BMP5: variants seen among roughly 807,000 people sequenced by gnomAD.
The protein encoded by BMP5 is bone morphogenetic protein 5.
BMP5 carries 23 observed loss-of-function variants against 46.6 expected under a neutral mutation model. The observed-to-expected ratio is 0.49, with a 90% CI of 0.35 to 0.70. BMP5 has a LOEUF of 0.70. BMP5 is among the 30% of genes least tolerant of loss of function. BMP5 has a pLI of 0.00. For synonymous variants in BMP5, 204 were observed against 191.9 expected, an observed-to-expected ratio of 1.06 and a Z score of -0.52; for missense variants, 545 against 565.6, an observed-to-expected ratio of 0.96 and a Z score of 0.37.
At chr6:55,831,432 C>T (rs1051414160) in intron 1 of BMP5, among the ~76,000 whole-genome samples, 2 of 151,938 alleles carry the variant, frequency 1.3e-5, no homozygotes, top group Admixed American at 6.6e-5. Flanking sequence ...AAAAAAACTA[C>T]TATATTATCC....
At chr6:55,768,401 T>G (rs989156198) in intron 4 of BMP5, among the ~76,000 whole-genome samples, 2 of 151,910 alleles carry the variant, frequency 1.3e-5, no homozygotes, top group African/African-American at 2.4e-5. Flanking sequence ...TCACTTTCAG[T>G]AGAGTGTCCA....
chr6:55,782,409 T>C (rs1000445537), intron 3 of BMP5, among the ~76,000 whole-genome samples: 2 of 152,202 alleles, frequency 1.3e-5, no homozygotes, highest in Admixed American at 6.5e-5. Flanking sequence ...TATCTGGCTA[T>C]GGCCAGAAGG....
rs550387381 is a variant in BMP5, at chr6:55,758,804, A to T, written c.1215+201T>A. On this transcript the variant is annotated intron_variant, in intron 6 of 6. Transcript: ENST00000370830. Reference sequence around the variant, plus strand: ...AGTTTTCCTAGCTGAATCCTTCTCCATTGTGTAACTGGGATTACTCTAAAC... The same window carrying T: ...AGTTTTCCTAGCTGAATCCTTCTCCTTTGTGTAACTGGGATTACTCTAAAC... Among the ~76,000 whole-genome samples the T allele has an allele frequency of 1.3e-3, 195 of 151,954 alleles. 1 individual carries two copies. The highest frequency in any genetic ancestry group is 4.6e-3 in the African/African-American group (190 of 41,518).
At chr6:55,842,913 T>A (rs1481887006) in intron 1 of BMP5, among the ~76,000 whole-genome samples, 1 of 152,106 alleles carries the variant, frequency 6.6e-6, no homozygotes, top group East Asian at 1.9e-4. Flanking sequence ...ATTACATATA[T>A]CAACTGTAAA....
intron 1 of BMP5, among the ~76,000 whole-genome samples, chr6:55,860,512 A>G (rs1366146455): frequency 6.6e-6 from 1 of 152,230 alleles, no homozygotes; most frequent in African/African-American, 2.4e-5. Context: ...ATTAGAAATC[A>G]GATATTAAGA....
At chr6:55,850,388 A>AGAT (rs991585633) in intron 1 of BMP5, among the ~76,000 whole-genome samples, 5 of 149,310 alleles carry the variant, frequency 3.3e-5, no homozygotes, top group African/African-American at 7.6e-5. Flanking sequence ...ATAGATAGAT[A>AGAT]GATAGATCGA....
At chr6:55,841,972 T>G (rs1402355558) in intron 1 of BMP5, among the ~76,000 whole-genome samples, 1 of 151,960 alleles carries the variant, frequency 6.6e-6, no homozygotes, top group Non-Finnish European at 1.5e-5. Flanking sequence ...TATTTATGCA[T>G]TTCCAAATCC....
intron 6 of BMP5, 45 bp downstream of exon 6, chr6:55,758,960 G>T: frequency 1.6e-6 from 2 of 1,247,320 alleles, no homozygotes; most frequent in Non-Finnish European, 2.4e-6. Context: ...TTTATAATAT[G>T]CTTGCATTCT....
chr6:55,763,822 T>C (rs1774842272), intron 4 of BMP5, among the ~76,000 whole-genome samples: 1 of 152,218 alleles, frequency 6.6e-6, no homozygotes, highest in Non-Finnish European at 1.5e-5. Context: ...AGTAAACATA[T>C]TGCTAAATAC....
intron 1 of BMP5, among the ~76,000 whole-genome samples, chr6:55,851,102 GGTTTTTT>G (rs1483928821): frequency 1.3e-5 from 2 of 148,954 alleles, no homozygotes. Context: ...TAGTGTTGTG[GGTTTTTT>G]GTTTTTGTTT....
intron 2 of BMP5, among the ~76,000 whole-genome samples, chr6:55,808,594 G>T (rs1017618893): frequency 6.6e-5 from 10 of 152,202 alleles, no homozygotes; most frequent in South Asian, 4.1e-4. Flanking sequence ...CCTAGGCACT[G>T]GTGGCGTGGG....
At chr6:55,796,645 T>C (rs1007513011) in intron 2 of BMP5, among the ~76,000 whole-genome samples, 2 of 130,600 alleles carry the variant, frequency 1.5e-5, no homozygotes, top group Non-Finnish European at 3.3e-5. Flanking sequence ...TGCTATCCCT[T>C]CCCCCTCCCC....
intron 1 of BMP5, among the ~76,000 whole-genome samples, chr6:55,848,265 A>T (rs1462956574): frequency 1.3e-5 from 2 of 152,004 alleles, no homozygotes; most frequent in Admixed American, 6.6e-5. Flanking sequence ...TGGTTGACCA[A>T]CAGCTGTCAC....
intron 2 of BMP5, among the ~76,000 whole-genome samples, chr6:55,802,271 C>T (rs1035310468): frequency 1.6e-4 from 24 of 152,114 alleles, no homozygotes; most frequent in African/African-American, 5.1e-4. Context: ...AACAGCTACC[C>T]GGCCACTTCG....
intron 4 of BMP5, among the ~76,000 whole-genome samples, chr6:55,766,836 T>C (rs571512897): frequency 6.6e-6 from 1 of 152,056 alleles, no homozygotes; most frequent in East Asian, 1.9e-4. Context: ...GCTCTACAAC[T>C]GTAGAGCCAT....
At chr6:55,866,652 T>C (rs2127555297) in intron 1 of BMP5, among the ~76,000 whole-genome samples, 1 of 152,304 alleles carries the variant, frequency 6.6e-6, no homozygotes, top group South Asian at 2.1e-4. Flanking sequence ...TCATTGGCAA[T>C]TGCAGTCCGC....
At chr6:55,831,692 G>T (rs1345509768) in intron 1 of BMP5, among the ~76,000 whole-genome samples, 4 of 151,800 alleles carry the variant, frequency 2.6e-5, no homozygotes, top group Admixed American at 6.6e-5. Flanking sequence ...TCTGGAAAGA[G>T]AGATGAAGAA....
chr6:55,772,997 G>C (rs1775082763), intron 4 of BMP5: 1 of 832,410 alleles, frequency 1.2e-6, no homozygotes, highest in Non-Finnish European at 1.4e-6. Context: ...AATAGCTGCT[G>C]TATGACCTGT....
chr6:55,829,509 T>A (rs7764021), intron 1 of BMP5, among the ~76,000 whole-genome samples: 8,550 of 145,670 alleles, frequency 0.059, 769 homozygotes, highest in African/African-American at 0.22. Flanking sequence ...ATATATATAT[T>A]TTTTACTTCC....
Sources: allele counts gnomAD v4.1 joint callset (sites outside exome capture counted in the v4.1 genomes callset), GRCh38; gene constraint gnomAD v4.1.1; transcripts MANE v1.5; gene names NCBI Gene and HGNC (gene_info 2026-07-23, HGNC 2026-07-21).